NEMP2: variants seen among roughly 807,000 people sequenced by gnomAD.
NEMP2 encodes the protein UPF0571 transmembrane protein.
Under a neutral mutation model 54.2 loss-of-function variants are expected in NEMP2, and 53 were observed. That is an observed-to-expected ratio of 0.98 (90% CI 0.78 to 1.23). The LOEUF is 1.23. Among genes scored for constraint, NEMP2 ranks in the 50% most tolerant of loss-of-function variants. NEMP2 has a pLI of 0.00. For synonymous variants in NEMP2, 197 were observed against 190.3 expected (o/e 1.04, Z -0.29); for missense variants, 455 against 511.3 (o/e 0.89, Z 1.06).
At position 190,510,407 on chromosome 2, in the gene NEMP2, C is replaced by A. The variant is rs1345199769; in HGVS notation, c.1084G>T (p.Asp362Tyr). 3.9e-6 allele frequency: 6 copies of A among 1,551,564 alleles called. No individual in the cohort carries two copies. The highest frequency in any genetic ancestry group is 1.4e-5 in the African/African-American group (1 of 73,028). The change falls in exon 8 of 9, where the codon GAC becomes TAC. Residue 362 changes from aspartate (D) to tyrosine (Y), a missense_variant. Around this residue, in one of 3 missense-constraint regions of NEMP2, gnomAD observed 294 missense variants for 333.6 expected, o/e 0.88. Coordinates refer to ENST00000409150, the MANE Select transcript of NEMP2 (RefSeq NM_001142645.2). This position sits in a 1 kb window ranked among gnomAD's most constrained non-coding sequence, Gnocchi z 5.7. The stretch of plus-strand genomic sequence containing the variant: ...GAGACGACCAGCCATGAGGGAAAGT[C>A]GGGTTTTCGGCAGGCCCGGCGTAGC... ...EELRRACRKPDFPSWLVVSRL... is the reference protein window; with the variant it reads ...EELRRACRKPYFPSWLVVSRL...
chr2:190,435,211 C>A, the NEMP2 span: 1 of 152,306 alleles, frequency 6.6e-6, no homozygotes, highest in East Asian at 1.9e-4. Context: ...ATTAGTTAAA[C>A]CTGCCATGCC....
At chr2:190,449,465 C>A in the NEMP2 span, among the ~76,000 whole-genome samples, 1 of 151,668 alleles carries the variant, frequency 6.6e-6, no homozygotes, top group African/African-American at 2.4e-5. Flanking sequence ...CAGAGCAAGA[C>A]TTCGTCTCAA....
the NEMP2 span, among the ~76,000 whole-genome samples, chr2:190,554,946 G>T: frequency 6.6e-6 from 1 of 152,206 alleles, no homozygotes; most frequent in African/African-American, 2.4e-5. The surrounding 1 kb of genome is among the most constrained non-coding windows in gnomAD (Gnocchi z 5.7). Flanking sequence ...CTGGGACAAA[G>T]CTTCCAGAGG....
At chr2:190,601,612 C>T in the NEMP2 span, among the ~76,000 whole-genome samples, 1 of 152,110 alleles carries the variant, frequency 6.6e-6, no homozygotes, top group Non-Finnish European at 1.5e-5. The surrounding 1 kb of genome is among the most constrained non-coding windows in gnomAD (Gnocchi z 5.8). Flanking sequence ...CGAGCAACTC[C>T]ATGAAAATAA....
the NEMP2 span, among the ~76,000 whole-genome samples, chr2:190,486,517 C>T: frequency 2.0e-5 from 3 of 152,236 alleles, no homozygotes; most frequent in Admixed American, 2.0e-4. Flanking sequence ...AGATTTCAGA[C>T]TCTCATCAGT....
the NEMP2 span, among the ~76,000 whole-genome samples, chr2:190,632,145 T>C: frequency 6.6e-6 from 1 of 152,212 alleles, no homozygotes; most frequent in Non-Finnish European, 1.5e-5. This position sits in a 1 kb window ranked among gnomAD's most constrained non-coding sequence, Gnocchi z 4.8. Context: ...TGTGTTTCCA[T>C]TGCTAGGTCT....
At chr2:190,549,608 C>A in the NEMP2 span, among the ~76,000 whole-genome samples, 204 of 152,082 alleles carry the variant, frequency 1.3e-3, 3 homozygotes, top group African/African-American at 4.9e-3. Context: ...AATAAGATTT[C>A]GATGAATAGC....
chr2:190,541,367 T>G, the NEMP2 span, among the ~76,000 whole-genome samples: 1 of 152,128 alleles, frequency 6.6e-6, no homozygotes, highest in Non-Finnish European at 1.5e-5. This position sits in a 1 kb window ranked among gnomAD's most constrained non-coding sequence, Gnocchi z 5.2. Flanking sequence ...AGATGTTTAT[T>G]GCTATAAACT....
chr2:190,516,410 A>C, intron 5 of NEMP2, 26 bp from the exon 6 acceptor site: 1 of 1,507,448 alleles, frequency 6.6e-7, no homozygotes. Flanking sequence ...AATAAATGAC[A>C]CATTTTTTGG....
chr2:190,422,422 T>G, the NEMP2 span, among the ~76,000 whole-genome samples: 1 of 152,206 alleles, frequency 6.6e-6, no homozygotes, highest in African/African-American at 2.4e-5. Context: ...TGATTTATCC[T>G]TTTGTTCTGG....
chr2:190,616,767 C>G, the NEMP2 span: 1 of 152,068 alleles, frequency 6.6e-6, no homozygotes, highest in Non-Finnish European at 1.5e-5. This position sits in a 1 kb window ranked among gnomAD's most constrained non-coding sequence, Gnocchi z 5.1. Flanking sequence ...TCTTGCTATA[C>G]TGTAGTAATG....
chr2:190,551,647 T>C, the NEMP2 span, among the ~76,000 whole-genome samples: 1 of 152,228 alleles, frequency 6.6e-6, no homozygotes, highest in African/African-American at 2.4e-5. Flanking sequence ...AGCATGTCTT[T>C]CTTGTGTAGG....
At chr2:190,625,733 T>C in the NEMP2 span, 1 of 152,204 alleles carries the variant, frequency 6.6e-6, no homozygotes, top group Non-Finnish European at 1.5e-5. Context: ...TTAGTTGTGC[T>C]TTTTTTCTTT....
the NEMP2 span, among the ~76,000 whole-genome samples, chr2:190,424,710 AT>A: frequency 6.6e-6 from 1 of 151,650 alleles, no homozygotes; most frequent in Non-Finnish European, 1.5e-5. The surrounding 1 kb of genome is among the most constrained non-coding windows in gnomAD (Gnocchi z 5.9). Context: ...CCACCATTGA[AT>A]TTTTTTTGCA....
chr2:190,547,891 G>A, the NEMP2 span, among the ~76,000 whole-genome samples: 35,740 of 152,070 alleles, frequency 0.24, 5,063 homozygotes, highest in South Asian at 0.33. The surrounding 1 kb of genome is among the most constrained non-coding windows in gnomAD (Gnocchi z 6.2). Context: ...AGGAGGATGG[G>A]TTATCATGAG....
chr2:190,558,587 T>C, the NEMP2 span, among the ~76,000 whole-genome samples: 1 of 152,222 alleles, frequency 6.6e-6, no homozygotes, highest in South Asian at 2.1e-4. This position sits in a 1 kb window ranked among gnomAD's most constrained non-coding sequence, Gnocchi z 4.4. Flanking sequence ...CTGGTAATAA[T>C]ACAGGTTTAT....
At chr2:190,621,300 C>T in the NEMP2 span, among the ~76,000 whole-genome samples, 1 of 152,206 alleles carries the variant, frequency 6.6e-6, no homozygotes, top group South Asian at 2.1e-4. Context: ...ACTTGTACAG[C>T]ATGTTACTGC....
the NEMP2 span, among the ~76,000 whole-genome samples, chr2:190,545,764 T>TTC: frequency 6.6e-6 from 1 of 152,000 alleles, no homozygotes; most frequent in Non-Finnish European, 1.5e-5. Context: ...TGCTTCTATG[T>TTC]TCTCTCTCTC....
rs1181224550 is a variant in NEMP2 at position 190,525,713 on chromosome 2, A to G, written c.98-335T>C. Among the ~76,000 whole-genome samples, 2 of 152,218 alleles carry G rather than the reference A, an allele frequency of 1.3e-5. No individual in the cohort carries two copies. Among genetic ancestry groups the G allele is most frequent in the African/African-American group, 4.8e-5 (2 of 41,470 alleles). ...AGGGCTGAAGGGCAAGGTAGAGGCAATAAGACAGAAACTAGGAGGTGGGAG... is the reference window on the plus strand; with the variant it reads ...AGGGCTGAAGGGCAAGGTAGAGGCAGTAAGACAGAAACTAGGAGGTGGGAG... On this transcript the variant is annotated intron_variant, in intron 1 of 8. Coordinates refer to ENST00000409150, the MANE Select transcript of NEMP2 (RefSeq NM_001142645.2). The surrounding 1 kb of genome is among the most constrained non-coding windows in gnomAD (Gnocchi z 5.0).
Sources: gnomAD v4.1 joint callset for allele counts (sites outside exome capture counted in the v4.1 genomes callset) on GRCh38, gnomAD v4.1.1 for gene constraint, gnomAD v4.1.1 regional missense constraint, Gnocchi (gnomAD v3.1) non-coding constraint, MANE v1.5 for transcripts, NCBI Gene and HGNC (gene_info 2026-07-23, HGNC 2026-07-21) for gene names.